The following JMJD1C variants were observed in gnomAD, a reference collection of about 807,000 sequenced individuals.
The protein encoded by JMJD1C is jumonji domain containing 1C.
In JMJD1C, 31 loss-of-function variants were observed where a neutral mutation model predicts 245.3. The ratio of observed to expected loss-of-function variants is 0.13; its 90% CI spans 0.09 to 0.17. The LOEUF (loss-of-function observed/expected upper bound fraction) is 0.17. Ranked by LOEUF, JMJD1C falls within the 10% of genes least tolerant of loss-of-function variation. The pLI, the probability that JMJD1C is intolerant of heterozygous loss-of-function variation, is 1.00. For synonymous variants in JMJD1C, 1,057 were observed against 1,017.4 expected (o/e 1.04, Z -0.74); for missense variants, 2,691 against 3,000.2 (o/e 0.90, Z 2.41).
intron 1 of JMJD1C, among the ~76,000 whole-genome samples, chr10:63,438,910 C>T (rs1258699817): frequency 6.6e-6 from 1 of 152,104 alleles, no homozygotes; most frequent in Non-Finnish European, 1.5e-5. Context: ...TCTTACATAC[C>T]ATTCATCATA....
At chr10:63,319,400 T>G (rs1020260926) in intron 2 of JMJD1C, among the ~76,000 whole-genome samples, 1 of 152,066 alleles carries the variant, frequency 6.6e-6, no homozygotes, top group Non-Finnish European at 1.5e-5. Flanking sequence ...TTTAGCATTT[T>G]CTTTATCTCT....
intron 1 of JMJD1C, among the ~76,000 whole-genome samples, chr10:63,507,644 C>CAAAAGAAAAAAAAAAAAAAAA: frequency 1.7e-5 from 1 of 58,754 alleles, no homozygotes. Context: ...GACTCTGTCT[C>CAAAAGAAAAAAAAAAAAAAAA]AAAAAAAAAA....
rs970603153 is a variant in JMJD1C at position 63,443,884 on chromosome 10, A to G, written c.168+21611T>C. Among the ~76,000 whole-genome samples the G allele has an allele frequency of 2.6e-5, 4 of 152,226 alleles. No individual in the cohort carries two copies. The South Asian group carries it at 8.3e-4, about 32-fold the overall frequency. ...CTATCACTCGGGAGAGTCCAAGGGT[A>G]TCAGAAGCTCTGTGCCAGGAACTGG... On this transcript the variant is annotated intron_variant, in intron 1 of 25. Coordinates refer to ENST00000399262, the MANE Select transcript of JMJD1C (RefSeq NM_032776.3).
intron 2 of JMJD1C, among the ~76,000 whole-genome samples, chr10:63,367,311 A>G (rs946153247): frequency 6.6e-6 from 1 of 152,076 alleles, no homozygotes; most frequent in Non-Finnish European, 1.5e-5. Context: ...GTGCAATGGC[A>G]TATCAGTTCA....
At chr10:63,237,501 G>A (rs758521178) in intron 3 of JMJD1C, among the ~76,000 whole-genome samples, 10 of 152,098 alleles carry the variant, frequency 6.6e-5, no homozygotes, top group Non-Finnish European at 1.3e-4. Context: ...TATTTTCTCA[G>A]AAAGAACGAA....
rs116922226 is a variant in JMJD1C at position 63,285,795 on chromosome 10, G to A, written c.334-21031C>T. Among the ~76,000 whole-genome samples, 25 of 152,192 alleles carry A rather than the reference G, an allele frequency of 1.6e-4. 1 individual carries two copies. In the East Asian group the frequency reaches 4.6e-3, roughly 28 times the overall value. On this transcript the variant is annotated intron_variant, in intron 2 of 25. Transcript: ENST00000399262. ...TGCACTCGAGACTGGGCAACACTGT[G>A]GGACCCTGTCTCAGAAACAAACAAA...
chr10:63,186,331 G>A lies in JMJD1C; in HGVS notation c.6623C>T (p.Ala2208Val), dbSNP rs201993291. ...HKKMNISLWK[A>V]ESISLDFGDH... Reference sequence around the variant, plus strand: ...TCCAAAATCAAGACTAATTGATTCCGCCTTCCATAGGCTAATGTTCATTTT... The same window carrying A: ...TCCAAAATCAAGACTAATTGATTCCACCTTCCATAGGCTAATGTTCATTTT... Residue 2208 changes from alanine (A) to valine (V), a missense_variant, in exon 19 of 26, where the codon GCG (alanine) becomes GTG (valine). Ala to Val is a moderately conservative substitution (Grantham distance 64). Around this residue, in one of 9 missense-constraint regions of JMJD1C, gnomAD observed 232 missense variants for 416.1 expected, o/e 0.56. Coordinates refer to ENST00000399262, the MANE Select transcript of JMJD1C (RefSeq NM_032776.3). The A allele has an allele frequency of 4.3e-6, 7 of 1,613,152 alleles. No homozygotes were observed. The highest frequency in any genetic ancestry group is 1.3e-5 in the African/African-American group (1 of 74,868).
intron 1 of JMJD1C, among the ~76,000 whole-genome samples, chr10:63,491,550 C>T (rs1207306891): frequency 6.6e-6 from 1 of 152,154 alleles, no homozygotes; most frequent in Admixed American, 6.5e-5. Flanking sequence ...AAATCTTCCT[C>T]CTCTTTCCTT....
chr10:63,207,257 G>A lies in JMJD1C; in HGVS notation c.4412C>T (p.Ser1471Phe), dbSNP rs768591010. The A allele has an allele frequency of 2.7e-5, 43 of 1,613,840 alleles. No homozygotes were observed. The highest frequency in any genetic ancestry group is 3.3e-5 in the Admixed American group (2 of 60,000). The change falls in exon 10 of 26, where the codon TCT (serine) becomes TTT (phenylalanine). Residue 1471 changes from serine (S) to phenylalanine (F), a missense_variant. Physicochemically the swap from Ser to Phe is radical, Grantham distance 155 (BLOSUM62 -2). Coordinates refer to ENST00000399262, the MANE Select transcript of JMJD1C (RefSeq NM_032776.3). Reference protein sequence around the residue: ...SKTGSVVQPSSGFSGTTDFIH... With the variant: ...SKTGSVVQPSFGFSGTTDFIH... The stretch of plus-strand genomic sequence containing the variant: ...AAAATCAGTTGTGCCTGAGAACCCA[G>A]AACTGGGTTGAACAACACTTCCTGT...
At chr10:63,187,986 A>G (rs775247406) in intron 18 of JMJD1C, among the ~76,000 whole-genome samples, 1 of 152,176 alleles carries the variant, frequency 6.6e-6, no homozygotes, top group Non-Finnish European at 1.5e-5. Flanking sequence ...ATTGCAGATA[A>G]TCACACCTAC....
At chr10:63,240,760 CTG>C (rs1323558042) in intron 3 of JMJD1C, among the ~76,000 whole-genome samples, 1 of 152,020 alleles carries the variant, frequency 6.6e-6, no homozygotes, top group African/African-American at 2.4e-5. Context: ...AGAAAAGTAT[CTG>C]TGAAGACAGG....
intron 1 of JMJD1C, among the ~76,000 whole-genome samples, chr10:63,493,022 G>A (rs903080028): frequency 2.6e-5 from 4 of 151,984 alleles, no homozygotes; most frequent in African/African-American, 4.8e-5. Flanking sequence ...AGAAATAGAA[G>A]GATGATTTTC....
intron 3 of JMJD1C, among the ~76,000 whole-genome samples, chr10:63,251,322 T>C (rs578131214): frequency 2.6e-5 from 4 of 152,314 alleles, no homozygotes; most frequent in Admixed American, 2.6e-4. Context: ...TTGTTGTTAT[T>C]GTGATTTTTT....
chr10:63,216,668 C>T (rs1001066029), intron 5 of JMJD1C, among the ~76,000 whole-genome samples: 3 of 152,058 alleles, frequency 2.0e-5, no homozygotes, highest in Admixed American at 6.6e-5. Flanking sequence ...CGAGATCATG[C>T]CACTGCACTC....
rs1157775700 is a variant in JMJD1C, at chr10:63,295,991, G to A, written c.334-31227C>T. ...TGTGTGTGTGTGTGTGTGTGTGTGTGTGTGTGTGTGTGTATATATATATTT... is the reference window on the plus strand; with the variant it reads ...TGTGTGTGTGTGTGTGTGTGTGTGTATGTGTGTGTGTGTATATATATATTT... On this transcript the variant is annotated intron_variant, in intron 2 of 25. Coordinates refer to ENST00000399262, the MANE Select transcript of JMJD1C (RefSeq NM_032776.3). Among the ~76,000 whole-genome samples, 70 of 10,548 alleles carry A rather than the reference G, an allele frequency of 6.6e-3. 2 individuals carry two copies. The highest frequency in any genetic ancestry group is 0.014 in the Non-Finnish European group (51 of 3,552). The allele number at this position is 10,548 out of a possible 152,430, so 6.9% of individuals were successfully genotyped here.
intron 18 of JMJD1C, among the ~76,000 whole-genome samples, chr10:63,187,935 C>T (rs993054509): frequency 6.6e-6 from 1 of 152,160 alleles, no homozygotes; most frequent in African/African-American, 2.4e-5. Flanking sequence ...ATTCCTCTAG[C>T]CATCTCCTTA....
rs1368301451 is a variant in JMJD1C, at chr10:63,208,407, A to T, written c.3262T>A (p.Leu1088Ile). ...GTAGTGAAATAGTTACTTTGGGGTA[A>T]ACTCTGAGGCACTGAGTGCTTCATT... ...YKMKHSVPQS[L>I]PQSNYFTTLS... Residue 1088 changes from leucine (L) to isoleucine (I), a missense_variant, in exon 10 of 26, where the codon TTA becomes ATA. Transcript: ENST00000399262. The T allele has an allele frequency of 8.7e-6, 14 of 1,613,882 alleles. No individual in the cohort carries two copies. Among genetic ancestry groups the T allele is most frequent in the Non-Finnish European group, 1.2e-5 (14 of 1,179,970 alleles).
intron 2 of JMJD1C, among the ~76,000 whole-genome samples, chr10:63,300,206 C>T (rs1859916831): frequency 6.6e-6 from 1 of 152,150 alleles, no homozygotes; most frequent in Non-Finnish European, 1.5e-5. Context: ...GATTACAGTA[C>T]TAGTGAGGCC....
intron 3 of JMJD1C, among the ~76,000 whole-genome samples, chr10:63,229,089 G>A (rs1190709828): frequency 6.6e-6 from 1 of 152,028 alleles, no homozygotes; most frequent in Non-Finnish European, 1.5e-5. Context: ...ATTTATTAAG[G>A]ACACGATAGA....
Sources: allele counts gnomAD v4.1 joint callset (sites outside exome capture counted in the v4.1 genomes callset), GRCh38; gene constraint gnomAD v4.1.1; regional missense constraint gnomAD v4.1.1; transcripts MANE v1.5; gene names NCBI Gene and HGNC (gene_info 2026-07-23, HGNC 2026-07-21).